Variants in DNAH11 observed in about 807,000 individuals in gnomAD.
DNAH11 encodes the protein axonemal beta dynein heavy chain 11.
A neutral mutation model predicts 526.0 loss-of-function variants in DNAH11; 442 were observed. The ratio of observed to expected loss-of-function variants is 0.84; its 90% CI spans 0.78 to 0.91. The LOEUF is 0.91. Ranked by LOEUF, DNAH11 falls within the 40% of genes least tolerant of loss-of-function variation. The pLI is 0.00. For synonymous variants in DNAH11, 2,461 were observed against 1,935.9 expected (o/e 1.27, Z -7.12); for missense variants, 6,989 against 5,448.7 (o/e 1.28, Z -8.90).
At chr7:21,807,111 C>T (rs559384412) in intron 62 of DNAH11, among the ~76,000 whole-genome samples, 2 of 152,206 alleles carry the variant, frequency 1.3e-5, no homozygotes, top group African/African-American at 2.4e-5. Context: ...GTAATCAGAC[C>T]ATTGCCAGCA....
intron 12 of DNAH11, among the ~76,000 whole-genome samples, chr7:21,589,997 A>G: frequency 6.6e-6 from 1 of 152,166 alleles, no homozygotes. Context: ...TATTAATATA[A>G]AAAATATTAA....
chr7:21,776,410 C>G (rs1281029491), intron 56 of DNAH11, among the ~76,000 whole-genome samples: 4 of 152,138 alleles, frequency 2.6e-5, no homozygotes, highest in African/African-American at 9.7e-5. Context: ...AATTGGAGAA[C>G]CATATTGCAG....
Position 21,720,876 on chromosome 7 carries a change from A to G in DNAH11, c.7266+20A>G, listed in dbSNP as rs756138212. On this transcript the variant is annotated intron_variant, in intron 44 of 81. Coordinates refer to ENST00000409508, the MANE Select transcript of DNAH11 (RefSeq NM_001277115.2). Reference sequence around the variant, plus strand: ...GATCAGGTATGTTTAGAAATAGTTTACAGGACCAGTTTCCAGTTTTGTGTG... The same window carrying G: ...GATCAGGTATGTTTAGAAATAGTTTGCAGGACCAGTTTCCAGTTTTGTGTG... 1.9e-6 allele frequency: 3 copies of G among 1,607,724 alleles called. No individual in the cohort carries two copies. The highest frequency in any genetic ancestry group is 4.5e-5 in the East Asian group (2 of 44,682).
At chr7:21,834,151 A>C (rs1293147907) in intron 65 of DNAH11, among the ~76,000 whole-genome samples, 1 of 152,230 alleles carries the variant, frequency 6.6e-6, no homozygotes, top group Admixed American at 6.5e-5. Context: ...AATTATGTCA[A>C]GTCTTTTTTG....
At chr7:21,718,793 T>C (rs1784769058) in intron 43 of DNAH11, among the ~76,000 whole-genome samples, 1 of 152,176 alleles carries the variant, frequency 6.6e-6, no homozygotes, top group Admixed American at 6.5e-5. Flanking sequence ...AGTGAGTGTG[T>C]TACCAAATTT....
In DNAH11 at chr7:21,693,254, T is replaced by C. The variant is rs77399573; in HGVS notation, c.6041+2373T>C. Among the ~76,000 whole-genome samples, 1,318 of 152,348 alleles carry C rather than the reference T, an allele frequency of 8.7e-3. 111 individuals are homozygous for C. In the East Asian group the frequency reaches 0.2, roughly 23 times the overall value. ...GGTTTTCTCCTTTATTCTGTTAATG[T>C]GCTGAACTATATTGATTGATTTTCA... is the stretch of plus-strand genomic sequence containing the variant. On this transcript the variant is annotated intron_variant, in intron 35 of 81. Coordinates refer to ENST00000409508, the MANE Select transcript of DNAH11 (RefSeq NM_001277115.2).
chr7:21,732,738 A>ACTGCT (rs1562515801), intron 45 of DNAH11, among the ~76,000 whole-genome samples: 1 of 152,256 alleles, frequency 6.6e-6, no homozygotes, highest in African/African-American at 2.4e-5. Context: ...ATCTTTCTAT[A>ACTGCT]CTGCTCTTCT....
chr7:21,774,895 G>C (rs1008662247), intron 56 of DNAH11, among the ~76,000 whole-genome samples: 2 of 152,164 alleles, frequency 1.3e-5, no homozygotes, highest in South Asian at 4.2e-4. Context: ...AATACTGGTG[G>C]CCTTCTCAGA....
chr7:21,550,258 T>TCCCTTA (rs1176998167), intron 2 of DNAH11, among the ~76,000 whole-genome samples: 1 of 152,110 alleles, frequency 6.6e-6, no homozygotes, highest in Non-Finnish European at 1.5e-5. Context: ...CCAGCTTAGG[T>TCCCTTA]GGAGCTTGTC....
intron 55 of DNAH11, among the ~76,000 whole-genome samples, chr7:21,772,057 G>A (rs1787459400): frequency 6.6e-6 from 1 of 152,144 alleles, no homozygotes; most frequent in African/African-American, 2.4e-5. Flanking sequence ...CATCAAAGAG[G>A]TCTGTTCTGG....
intron 75 of DNAH11, among the ~76,000 whole-genome samples, chr7:21,881,479 G>A (rs1202399823): frequency 6.6e-6 from 1 of 152,188 alleles, no homozygotes; most frequent in East Asian, 1.9e-4. Flanking sequence ...ATGGGAATGG[G>A]AATGCCTCAT....
chr7:21,554,942 T>G (rs1783158953), intron 2 of DNAH11, among the ~76,000 whole-genome samples: 2 of 152,216 alleles, frequency 1.3e-5, no homozygotes, highest in Non-Finnish European at 2.9e-5. Context: ...TGCCATGGTC[T>G]GCAGGTCTTT....
intron 28 of DNAH11, among the ~76,000 whole-genome samples, chr7:21,641,790 C>G (rs1787142097): frequency 1.3e-5 from 2 of 152,204 alleles, no homozygotes; most frequent in South Asian, 4.1e-4. Flanking sequence ...AATGTCTCCT[C>G]ACCTACCCCA....
At chr7:21,587,763 A>G (rs1291762828) in intron 9 of DNAH11, among the ~76,000 whole-genome samples, 1 of 152,214 alleles carries the variant, frequency 6.6e-6, no homozygotes, top group Non-Finnish European at 1.5e-5. Flanking sequence ...TCTGCAAAGC[A>G]TCTTCTAAAA....
chr7:21,554,409 A>G (rs928462910), intron 2 of DNAH11, among the ~76,000 whole-genome samples: 2 of 152,166 alleles, frequency 1.3e-5, no homozygotes, highest in Middle Eastern at 3.4e-3. Context: ...CCCTGACCTC[A>G]GGTGATCTAC....
chr7:21,606,118 G>A (rs978280559), intron 18 of DNAH11, among the ~76,000 whole-genome samples: 12 of 152,164 alleles, frequency 7.9e-5, no homozygotes, highest in South Asian at 6.2e-4. Context: ...GAATTCACGA[G>A]TTCAAGACCA....
intron 28 of DNAH11, among the ~76,000 whole-genome samples, chr7:21,647,427 CTT>C (rs71026810): frequency 9.9e-5 from 12 of 121,222 alleles, no homozygotes; most frequent in African/African-American, 2.1e-4. Flanking sequence ...TTCTTTCTTT[CTT>C]TTTTTTTTTT....
At position 21,717,903 on chromosome 7, in the gene DNAH11, T is replaced by C. The variant is rs757953855; in HGVS notation, c.7112T>C (p.Ile2371Thr). Residue 2371 changes from isoleucine (I) to threonine (T), a missense_variant, in exon 43 of 82, where the codon ATT becomes ACT. Physicochemically the swap from Ile to Thr is moderately conservative, Grantham distance 89. Transcript: ENST00000409508. Reference protein sequence around the residue: ...LRTSFKTITSIPESSLVQTLC... With the variant: ...LRTSFKTITSTPESSLVQTLC... ...ACAAGCTTTAAAACCATCACTTCAA[T>C]TCCTGAGAGTAGCCTGGTGCAGGTT... The C allele has an allele frequency of 6.2e-7, 1 of 1,613,636 alleles. No homozygotes were observed. Among genetic ancestry groups the C allele is most frequent in the South Asian group, 1.1e-5 (1 of 91,004 alleles).
At chr7:21,734,868 G>C (rs1460394899) in intron 45 of DNAH11, among the ~76,000 whole-genome samples, 2 of 148,152 alleles carry the variant, frequency 1.3e-5, no homozygotes, top group Admixed American at 6.8e-5. Flanking sequence ...AAAAAAAATA[G>C]TCATTCAAAA....
Sources: gnomAD v4.1 joint callset for allele counts (sites outside exome capture counted in the v4.1 genomes callset) on GRCh38, gnomAD v4.1.1 for gene constraint, MANE v1.5 for transcripts, NCBI Gene and HGNC (gene_info 2026-07-23, HGNC 2026-07-21) for gene names.